Variants in NT5DC1 observed in about 807,000 individuals in gnomAD.
The protein encoded by NT5DC1 is 5'-nucleotidase domain-containing protein 1.
Under a neutral mutation model 59.4 loss-of-function variants are expected in NT5DC1, and 42 were observed. The observed-to-expected ratio is 0.71, with a 90% CI of 0.55 to 0.92. The LOEUF (loss-of-function observed/expected upper bound fraction) is 0.92. Among genes scored for constraint, NT5DC1 ranks in the 40% least tolerant of loss-of-function variants. The pLI, the probability that NT5DC1 is intolerant of heterozygous loss-of-function variation, is 0.00. For missense variants in NT5DC1, 501 were observed against 537.1 expected, an observed-to-expected ratio of 0.93 and a Z score of 0.66; for synonymous variants, 172 against 188.1, an observed-to-expected ratio of 0.91 and a Z score of 0.70.
intron 6 of NT5DC1, among the ~76,000 whole-genome samples, chr6:116,177,846 T>C (rs964985260): frequency 6.6e-6 from 1 of 152,206 alleles, no homozygotes; most frequent in South Asian, 2.1e-4. Context: ...GTAACAGCTC[T>C]GAAATGCCTA....
intron 6 of NT5DC1, among the ~76,000 whole-genome samples, chr6:116,124,897 CTGTT>C (rs1779246925): frequency 6.6e-6 from 1 of 152,022 alleles, no homozygotes; most frequent in Admixed American, 6.6e-5. Context: ...GGTTTTATAT[CTGTT>C]TGTGGGCTAG....
At chr6:116,227,240 C>G (rs1781928004) in intron 8 of NT5DC1, among the ~76,000 whole-genome samples, 1 of 152,076 alleles carries the variant, frequency 6.6e-6, no homozygotes, top group South Asian at 2.1e-4. Context: ...CTTTCTGTGC[C>G]TGGCTTATTT....
intron 6 of NT5DC1, chr6:116,121,601 A>G: frequency 6.2e-7 from 1 of 1,613,910 alleles, no homozygotes; most frequent in Non-Finnish European, 8.5e-7. Context: ...TTCTCCAGGA[A>G]AGCCCCTGGG....
Position 116,221,081 on chromosome 6 carries a change from TAAA to T in NT5DC1, c.560_562del (p.Lys187del). ...AACTGTGGAATATATTTTCCAGAAA[TAAA>T]AAGAGATCCAGGCAGATATTTACAT... On this transcript the variant is annotated inframe_deletion, in exon 7 of 12. Coordinates refer to ENST00000319550, the MANE Select transcript of NT5DC1 (RefSeq NM_152729.3). 1 of 1,543,922 alleles carries T rather than the reference TAAA, an allele frequency of 6.5e-7. No individual in the cohort carries two copies. The highest frequency in any genetic ancestry group is 2.2e-5 in the East Asian group (1 of 44,490).
At chr6:116,148,877 C>T (rs970053619) in intron 6 of NT5DC1, among the ~76,000 whole-genome samples, 11 of 151,970 alleles carry the variant, frequency 7.2e-5, no homozygotes, top group Non-Finnish European at 1.2e-4. Flanking sequence ...GCCAAAGAAA[C>T]GTTTTTAAAA....
At chr6:116,107,895 T>C (rs1244271007) in intron 2 of NT5DC1, among the ~76,000 whole-genome samples, 1 of 152,158 alleles carries the variant, frequency 6.6e-6, no homozygotes, top group East Asian at 1.9e-4. Flanking sequence ...ATGATATGCC[T>C]TGTCCAGATG....
chr6:116,238,835 C>G, intron 10 of NT5DC1, 120 bp from the exon 11 acceptor site: 1 of 628,972 alleles, frequency 1.6e-6, no homozygotes. Context: ...AATGTGGGCC[C>G]AAAGCCTATT....
rs749097780 is a variant in NT5DC1 at position 116,120,725 on chromosome 6, C to G, written c.529+2780C>G. On this transcript the variant is annotated intron_variant, in intron 6 of 11. Coordinates refer to ENST00000319550, the MANE Select transcript of NT5DC1 (RefSeq NM_152729.3). ...GGGACTTCCTGGATCCCCTTTAGAC[C>G]CAGGGAATCCTGGAATGCCTGGTGG... The G allele has an allele frequency of 1.4e-5, 22 of 1,585,550 alleles. 1 individual carries two copies. The South Asian group carries it at 2.5e-4, about 18-fold the overall frequency.
intron 6 of NT5DC1, among the ~76,000 whole-genome samples, chr6:116,179,921 A>G (rs1780837375): frequency 6.6e-6 from 1 of 152,152 alleles, no homozygotes; most frequent in African/African-American, 2.4e-5. Flanking sequence ...CTCTGAAGCA[A>G]GTTCACATTT....
intron 6 of NT5DC1, chr6:116,118,178 C>T (rs146267976): frequency 2.0e-5 from 10 of 494,458 alleles, no homozygotes; most frequent in East Asian, 8.0e-5. Context: ...TCCTTTACCA[C>T]GCCTGCCACG....
At chr6:116,228,838 T>G (rs1236807261) in intron 8 of NT5DC1, among the ~76,000 whole-genome samples, 4 of 152,306 alleles carry the variant, frequency 2.6e-5, no homozygotes, top group African/African-American at 7.2e-5. Flanking sequence ...TACCTTTCTC[T>G]TTTAATGTTG....
At chr6:116,199,211 CAA>C (rs1781296859) in intron 6 of NT5DC1, among the ~76,000 whole-genome samples, 1 of 152,084 alleles carries the variant, frequency 6.6e-6, no homozygotes, top group Non-Finnish European at 1.5e-5. Flanking sequence ...TCTAGATAGA[CAA>C]GAGAGTTTGT....
intron 6 of NT5DC1, chr6:116,121,297 G>T: frequency 6.2e-7 from 1 of 1,613,972 alleles, no homozygotes; most frequent in South Asian, 1.1e-5. Flanking sequence ...TCCCTGGCTG[G>T]CCTGGGGCTC....
intron 6 of NT5DC1, among the ~76,000 whole-genome samples, chr6:116,192,602 A>G (rs1781143893): frequency 1.3e-5 from 2 of 152,234 alleles, no homozygotes; most frequent in East Asian, 1.9e-4. Flanking sequence ...CAAATCTTAA[A>G]GTACATTAAG....
At chr6:116,141,325 C>A (rs1458940537) in intron 6 of NT5DC1, among the ~76,000 whole-genome samples, 4 of 148,732 alleles carry the variant, frequency 2.7e-5, no homozygotes, top group Non-Finnish European at 6.0e-5. Context: ...TATTTATTTT[C>A]GTTAGTTATA....
chr6:116,101,268 C>G (rs568064577), intron 1 of NT5DC1, among the ~76,000 whole-genome samples: 2 of 151,980 alleles, frequency 1.3e-5, no homozygotes. Context: ...TAGGGAAGAA[C>G]GAAGGAGGGG....
intron 6 of NT5DC1, among the ~76,000 whole-genome samples, chr6:116,177,165 G>T (rs1780752705): frequency 6.6e-6 from 1 of 152,216 alleles, no homozygotes; most frequent in Admixed American, 6.5e-5. Flanking sequence ...TAAGTCTTTT[G>T]TTACTTGAGC....
At chr6:116,126,490 G>A (rs1765389649) in intron 6 of NT5DC1, among the ~76,000 whole-genome samples, 1 of 152,008 alleles carries the variant, frequency 6.6e-6, no homozygotes, top group Admixed American at 6.6e-5. Flanking sequence ...ATAATATGTG[G>A]TAGTACATAA....
At chr6:116,151,549 G>A (rs1562140256) in intron 6 of NT5DC1, among the ~76,000 whole-genome samples, 1 of 152,158 alleles carries the variant, frequency 6.6e-6, no homozygotes, top group East Asian at 1.9e-4. Flanking sequence ...AGACTATTAA[G>A]TAATGTATAT....
Sources: allele counts gnomAD v4.1 joint callset (sites outside exome capture counted in the v4.1 genomes callset), GRCh38; gene constraint gnomAD v4.1.1; transcripts MANE v1.5; gene names NCBI Gene and HGNC (gene_info 2026-07-23, HGNC 2026-07-21).